The following CADM2 variants were observed in gnomAD, a reference collection of about 807,000 sequenced individuals.
CADM2 encodes immunoglobulin superfamily member 4D.
In CADM2, 12 loss-of-function variants were observed where a neutral mutation model predicts 49.8. The ratio of observed to expected loss-of-function variants is 0.24; its 90% CI spans 0.15 to 0.39. CADM2 has a LOEUF of 0.39. CADM2 is among the 10% of genes least tolerant of loss of function. The pLI is 1.00. For synonymous variants in CADM2, 214 were observed against 175.4 expected (o/e 1.22, Z -1.74); for missense variants, 378 against 492.3 (o/e 0.77, Z 2.20).
At chr3:85,103,558 G>C (rs1435945373) in intron 1 of CADM2, among the ~76,000 whole-genome samples, 1 of 152,162 alleles carries the variant, frequency 6.6e-6, no homozygotes. Flanking sequence ...CTTGCCAAAT[G>C]TAATAATGGA....
At chr3:85,044,776 TTTTCTTTC>T (rs1225831663) in intron 1 of CADM2, among the ~76,000 whole-genome samples, 1 of 149,206 alleles carries the variant, frequency 6.7e-6, no homozygotes, top group African/African-American at 2.5e-5. Context: ...TTTAGTGTCT[TTTTCTTTC>T]TTTCTTTCTT....
At chr3:85,524,694 T>G (rs2061118448) in intron 1 of CADM2, among the ~76,000 whole-genome samples, 1 of 152,146 alleles carries the variant, frequency 6.6e-6, no homozygotes, top group Non-Finnish European at 1.5e-5. Flanking sequence ...ATTATCTTAA[T>G]TTTTTCTGTC....
At chr3:85,556,026 G>A (rs2061949000) in intron 1 of CADM2, among the ~76,000 whole-genome samples, 1 of 151,976 alleles carries the variant, frequency 6.6e-6, no homozygotes, top group African/African-American at 2.4e-5. Flanking sequence ...AGGATCAGGG[G>A]CATTGACCCC....
chr3:85,035,595 T>G (rs2035179465), intron 1 of CADM2, among the ~76,000 whole-genome samples: 1 of 152,294 alleles, frequency 6.6e-6, no homozygotes, highest in African/African-American at 2.4e-5. Flanking sequence ...GTTTGATTTT[T>G]GTATATGGGG....
intron 1 of CADM2, among the ~76,000 whole-genome samples, chr3:85,297,350 G>A (rs914273972): frequency 6.6e-6 from 1 of 152,042 alleles, no homozygotes; most frequent in Non-Finnish European, 1.5e-5. Context: ...GGCTTCATCT[G>A]GGCTGGTATG....
chr3:85,675,357 C>T (rs2065859941), intron 1 of CADM2, among the ~76,000 whole-genome samples: 1 of 152,042 alleles, frequency 6.6e-6, no homozygotes, highest in African/African-American at 2.4e-5. Context: ...CTCTTTCAGC[C>T]ATAAAATCCA....
chr3:85,177,252 C>T (rs1048802839), intron 1 of CADM2, among the ~76,000 whole-genome samples: 9 of 152,016 alleles, frequency 5.9e-5, no homozygotes, highest in Admixed American at 2.6e-4. Context: ...ACTCCTAGTA[C>T]GGGGCAGTAA....
At chr3:85,144,566 C>A (rs1054620165) in intron 1 of CADM2, among the ~76,000 whole-genome samples, 1 of 148,698 alleles carries the variant, frequency 6.7e-6, no homozygotes, top group Non-Finnish European at 1.5e-5. Flanking sequence ...GAGCCAAGAT[C>A]GCACCACTGC....
In CADM2 at chr3:85,088,419, C is replaced by A. The variant is rs142685775; in HGVS notation, c.61+128751C>A. ...AACATAGTATTTGTAATAAGCAAAA[C>A]TTAAAAGTATGCAACTCTTTTAAAA... is the stretch of plus-strand genomic sequence containing the variant. On this transcript the variant is annotated intron_variant, in intron 1 of 9. Transcript: ENST00000383699. Among the ~76,000 whole-genome samples the A allele has an allele frequency of 3.8e-3, 579 of 152,212 alleles. 2 individuals carry two copies. The highest frequency in any genetic ancestry group is 0.014 in the African/African-American group (563 of 41,546).
chr3:85,476,343 C>T (rs1281087597), intron 1 of CADM2, among the ~76,000 whole-genome samples: 1 of 152,008 alleles, frequency 6.6e-6, no homozygotes, highest in Non-Finnish European at 1.5e-5. Context: ...CTGTATTAAA[C>T]TCTAAATGTT....
chr3:85,964,512 A>G (rs1725235629), intron 8 of CADM2, among the ~76,000 whole-genome samples: 1 of 151,798 alleles, frequency 6.6e-6, no homozygotes, highest in South Asian at 2.1e-4. Flanking sequence ...TTTAAATGCT[A>G]CCACATTTAA....
chr3:85,204,836 A>C (rs1041919347), intron 1 of CADM2, among the ~76,000 whole-genome samples: 2 of 152,100 alleles, frequency 1.3e-5, no homozygotes, highest in Non-Finnish European at 2.9e-5. Context: ...CTTTGCCTAA[A>C]GAATGATATA....
intron 1 of CADM2, among the ~76,000 whole-genome samples, chr3:85,650,831 A>C (rs1016193696): frequency 4.0e-5 from 6 of 150,380 alleles, no homozygotes; most frequent in Admixed American, 3.3e-4. Context: ...AAGCACCATA[A>C]ATGTTAATTT....
intron 1 of CADM2, among the ~76,000 whole-genome samples, chr3:85,065,099 T>G (rs1323851595): frequency 6.6e-6 from 1 of 152,068 alleles, no homozygotes; most frequent in Non-Finnish European, 1.5e-5. Context: ...TAATACTAAT[T>G]TTTTTCCCAC....
intron 1 of CADM2, among the ~76,000 whole-genome samples, chr3:85,041,218 G>T (rs2035426124): frequency 6.6e-6 from 1 of 151,930 alleles, no homozygotes; most frequent in South Asian, 2.1e-4. Flanking sequence ...TGAACGCCAA[G>T]TTGCTTAGCA....
intron 1 of CADM2, among the ~76,000 whole-genome samples, chr3:85,552,573 G>T (rs2061839288): frequency 6.6e-6 from 1 of 151,770 alleles, no homozygotes; most frequent in Admixed American, 6.6e-5. Flanking sequence ...GTAGAGACGG[G>T]TTTTCACCGT....
chr3:85,096,631 A>G (rs2037808235), intron 1 of CADM2, among the ~76,000 whole-genome samples: 8 of 151,824 alleles, frequency 5.3e-5, no homozygotes, highest in Non-Finnish European at 1.5e-5. Flanking sequence ...TTGAAAAGTA[A>G]TTGTATACAC....
At chr3:85,294,479 C>CA (rs2043897437) in intron 1 of CADM2, among the ~76,000 whole-genome samples, 1 of 151,970 alleles carries the variant, frequency 6.6e-6, no homozygotes, top group African/African-American at 2.4e-5. Flanking sequence ...CCCACATCAC[C>CA]AAGTCAATCC....
intron 1 of CADM2, among the ~76,000 whole-genome samples, chr3:85,242,545 A>G (rs529406284): frequency 1.4e-4 from 22 of 151,782 alleles, no homozygotes; most frequent in African/African-American, 4.8e-4. Flanking sequence ...AATGTTGACC[A>G]AATTTTTGAA....
Sources: allele counts gnomAD v4.1 joint callset (sites outside exome capture counted in the v4.1 genomes callset), GRCh38; gene constraint gnomAD v4.1.1; transcripts MANE v1.5; gene names NCBI Gene and HGNC (gene_info 2026-07-23, HGNC 2026-07-21).